RTN4: variants seen among roughly 807,000 people sequenced by gnomAD.
RTN4 encodes reticulon-4.
A neutral mutation model predicts 90.4 loss-of-function variants in RTN4; 32 were observed. The ratio of observed to expected loss-of-function variants is 0.35; its 90% confidence interval spans 0.27 to 0.48. The LOEUF (loss-of-function observed/expected upper bound fraction) is 0.48. Among genes scored for constraint, RTN4 ranks in the 20% least tolerant of loss-of-function variants. The pLI, the probability that RTN4 is intolerant of heterozygous loss-of-function variation, is 0.99. For missense variants in RTN4, 1,706 were observed against 1,430.2 expected (o/e 1.19, Z -3.11); for synonymous variants, 629 against 552.5 (o/e 1.14, Z -1.94).
At chr2:55,056,737 T>G (rs1252121286) in intron 2 of RTN4, among the ~76,000 whole-genome samples, 1 of 152,198 alleles carries the variant, frequency 6.6e-6, no homozygotes, top group East Asian at 1.9e-4. Flanking sequence ...AAAAAGTATT[T>G]AATTTAGAAA....
chr2:55,108,101 G>A (rs903648701), intron 1 of RTN4, among the ~76,000 whole-genome samples: 2 of 151,860 alleles, frequency 1.3e-5, no homozygotes, highest in Non-Finnish European at 2.9e-5. Context: ...GATTACAGGC[G>A]ATGCCACAAT....
chr2:55,087,278 C>T (rs1345927504), intron 1 of RTN4, among the ~76,000 whole-genome samples: 1 of 152,190 alleles, frequency 6.6e-6, no homozygotes, highest in Non-Finnish European at 1.5e-5. Flanking sequence ...TTCATTTTTA[C>T]TGGAAACTGC....
intron 2 of RTN4, among the ~76,000 whole-genome samples, chr2:55,079,460 G>C (rs1303203092): frequency 6.6e-6 from 1 of 152,176 alleles, no homozygotes; most frequent in African/African-American, 2.4e-5. Context: ...TAGAAACAGG[G>C]AGAGCAAGGA....
chr2:55,104,364 A>C (rs1327041684), intron 1 of RTN4, among the ~76,000 whole-genome samples: 1 of 118,976 alleles, frequency 8.4e-6, no homozygotes, highest in Non-Finnish European at 1.8e-5. Flanking sequence ...GCTGTTTTTT[A>C]AATTTTTGAG....
intron 3 of RTN4, 109 bp downstream of exon 3, chr2:55,024,977 T>C (rs1681709508): frequency 7.7e-7 from 1 of 1,299,894 alleles, no homozygotes; most frequent in East Asian, 2.3e-5. Flanking sequence ...TTCTTACCAA[T>C]GTGACATATG....
chr2:54,974,437 G>A (rs1008415750), intron 6 of RTN4, among the ~76,000 whole-genome samples: 6 of 152,090 alleles, frequency 3.9e-5, no homozygotes, highest in Non-Finnish European at 8.8e-5. Flanking sequence ...GCGCCACCAC[G>A]CCCAGCTAAT....
chr2:55,061,447 A>G (rs1668290338), intron 2 of RTN4, among the ~76,000 whole-genome samples: 1 of 152,146 alleles, frequency 6.6e-6, no homozygotes, highest in Admixed American at 6.5e-5. Flanking sequence ...GCATATTGAA[A>G]TTTCTCCAGT....
At chr2:55,097,817 G>T (rs531536469) in intron 1 of RTN4, among the ~76,000 whole-genome samples, 3 of 152,096 alleles carry the variant, frequency 2.0e-5, no homozygotes, top group Admixed American at 1.3e-4. Flanking sequence ...GGTCAGGGCT[G>T]GAGATAAGGA....
At chr2:55,034,602 CTACAA>C (rs1217416243) in intron 1 of RTN4, among the ~76,000 whole-genome samples, 3 of 151,968 alleles carry the variant, frequency 2.0e-5, no homozygotes, top group African/African-American at 4.8e-5. Context: ...ACTAAGACAC[CTACAA>C]TACAAGAAAT....
chr2:55,099,792 G>A (rs1273575547), intron 1 of RTN4, among the ~76,000 whole-genome samples: 4 of 152,058 alleles, frequency 2.6e-5, no homozygotes, highest in African/African-American at 7.3e-5. Flanking sequence ...AATAATAACA[G>A]TAGCTAAATA....
the RTN4 span, among the ~76,000 whole-genome samples, chr2:55,128,961 A>T: frequency 6.6e-6 from 1 of 151,916 alleles, no homozygotes; most frequent in African/African-American, 2.4e-5. Flanking sequence ...ACAAAAAATT[A>T]GCCAGGCGTG....
upstream of RTN4, among the ~76,000 whole-genome samples, chr2:55,116,061 G>C (rs1189560629): frequency 2.7e-5 from 4 of 149,496 alleles, no homozygotes; most frequent in African/African-American, 9.8e-5. Context: ...CCCCAAAAGA[G>C]GATCATATAA....
At chr2:55,003,047 T>C (rs76533254) in intron 3 of RTN4, among the ~76,000 whole-genome samples, 3,809 of 152,266 alleles carry the variant, frequency 0.025, 69 homozygotes, top group South Asian at 0.036. Flanking sequence ...AACCCTATTT[T>C]CTACTAACAA....
chr2:55,072,169 AT>A (rs1668525973), intron 2 of RTN4, among the ~76,000 whole-genome samples: 1 of 152,072 alleles, frequency 6.6e-6, no homozygotes, highest in African/African-American at 2.4e-5. Flanking sequence ...TCAAAAAAAA[AT>A]ATGTAAAACT....
At chr2:55,005,901 T>G (rs1053331963) in intron 3 of RTN4, among the ~76,000 whole-genome samples, 8 of 152,202 alleles carry the variant, frequency 5.3e-5, no homozygotes, top group Non-Finnish European at 1.0e-4. Context: ...ATTTTCTACT[T>G]GTGGTATCAC....
chr2:55,055,300 GAAGA>G (rs988221750), upstream of RTN4, among the ~76,000 whole-genome samples: 7 of 151,798 alleles, frequency 4.6e-5, no homozygotes, highest in African/African-American at 1.7e-4. Context: ...GTCCTCATAT[GAAGA>G]AAGAAGGCAG....
chr2:55,056,428 C>T (rs953283812), intron 2 of RTN4: 4 of 152,108 alleles, frequency 2.6e-5, no homozygotes, highest in Admixed American at 1.3e-4. Flanking sequence ...AAAGTGCTTC[C>T]TTTACATGAA....
At chr2:55,118,155 T>C in the RTN4 span, among the ~76,000 whole-genome samples, 20 of 152,156 alleles carry the variant, frequency 1.3e-4, no homozygotes, top group African/African-American at 4.3e-4. Flanking sequence ...ACTCTCAAAA[T>C]TTTGCCCCAT....
At chr2:55,043,978 T>C (rs938297367) in intron 1 of RTN4, among the ~76,000 whole-genome samples, 17 of 151,840 alleles carry the variant, frequency 1.1e-4, no homozygotes, top group Admixed American at 7.9e-4. Context: ...AGAAGACTGC[T>C]TGACCTCAGG....
Sources: gnomAD v4.1 joint callset for allele counts (sites outside exome capture counted in the v4.1 genomes callset) on GRCh38, gnomAD v4.1.1 for gene constraint, MANE v1.5 for transcripts, NCBI Gene and HGNC (gene_info 2026-07-23, HGNC 2026-07-21) for gene names.